HELZ2: variants seen among roughly 807,000 people sequenced by gnomAD.
HELZ2 encodes the protein 3'-5' exoribonuclease HELZ2.
HELZ2 carries 143 observed loss-of-function variants against 208.8 expected under a neutral mutation model. The observed-to-expected ratio is 0.68, with a 90% confidence interval of 0.60 to 0.79. The LOEUF is 0.79. Ranked by LOEUF, HELZ2 falls within the 30% of genes least tolerant of loss-of-function variation. HELZ2 has a pLI of 0.00. For synonymous variants in HELZ2, 1,705 were observed against 1,693.7 expected, an observed-to-expected ratio of 1.01 and a Z score of -0.16; for missense variants, 3,690 against 3,794.5, an observed-to-expected ratio of 0.97 and a Z score of 0.72.
chr20:63,567,508 G>A lies in HELZ2; in HGVS notation c.1850C>T (p.Thr617Met), dbSNP rs762169747. 18 of 1,559,426 alleles carry A rather than the reference G, an allele frequency of 1.2e-5. No individual in the cohort carries two copies. Among genetic ancestry groups the A allele is most frequent in the Non-Finnish European group, 1.5e-5 (17 of 1,152,362 alleles). The change falls in exon 6 of 19, where the codon ACG (threonine) becomes ATG (methionine). Residue 617 changes from threonine (T) to methionine (M), a missense_variant. Around this residue, in one of 3 missense-constraint regions of HELZ2, gnomAD observed 1,119 missense variants for 1,193.4 expected, o/e 0.94. Transcript: ENST00000467148. ...GTCGGTCAGGCAACAGTACTGCAGC[G>A]TGACTGGGTCCGTCTGGCTCAGCGG...
At chr20:63,570,972 G>A (rs2083010899) in intron 1 of HELZ2, 104 bp from the exon 3 acceptor site, 3 of 912,264 alleles carry the variant, frequency 3.3e-6, no homozygotes, top group Middle Eastern at 3.5e-4. Context: ...TAGGGAGCAG[G>A]GGCTTTATTC....
chr20:63,562,121 C>T (rs949392781), exon 10 of HELZ2: 39 of 1,612,436 alleles, frequency 2.4e-5, no homozygotes, highest in Non-Finnish European at 3.0e-5. Flanking sequence ...CCTCCCTGAC[C>T]GCCACGTTCT....
In HELZ2 at chr20:63,562,273, G is replaced by C. The variant is rs1263206628; in HGVS notation, c.6397+15C>G. ...GGGGGCCAGAGGGGAAGCTGGAGGG[G>C]TGGGGCAGACCTACCTCTGCAGAGG... is the stretch of plus-strand genomic sequence containing the variant. On this transcript the variant is annotated intron_variant, in intron 9 of 18. Transcript: ENST00000467148. The C allele has an allele frequency of 1.9e-6, 3 of 1,596,186 alleles. No individual in the cohort carries two copies. Among genetic ancestry groups the C allele is most frequent in the Non-Finnish European group, 2.6e-6 (3 of 1,170,966 alleles).
exon 5 of HELZ2, chr20:63,568,826 G>A (rs2082990401): frequency 1.2e-6 from 2 of 1,612,256 alleles, no homozygotes; most frequent in Non-Finnish European, 1.7e-6. Context: ...AGGTACAGGG[G>A]CCACCAGGGC....
chr20:63,567,393 C>A, exon 6 of HELZ2: 1 of 1,587,304 alleles, frequency 6.3e-7, no homozygotes, highest in Non-Finnish European at 8.6e-7. Context: ...CGACCGGCAC[C>A]CTGAGCTCAC....
At position 63,561,000 on chromosome 20, in the gene HELZ2, C is replaced by T. The variant is rs542666411; in HGVS notation, c.7147-71G>A. ...GGACCCCAGCCCCACACGACACCCG[C>T]GTCTGCACACACAGGGCACCCCAGG... On this transcript the variant is annotated intron_variant, in intron 14 of 18. Transcript: ENST00000467148. 7.7e-5 allele frequency: 123 copies of T among 1,596,100 alleles called. 3 individuals carry two copies. In the South Asian group the frequency reaches 1.3e-3, roughly 17 times the overall value.
rs140899217 is a variant in HELZ2 at position 63,562,786 on chromosome 20, G to A, written c.6036C>T (p.Leu2012=). Residue 2012 remains leucine (L), a synonymous_variant, in exon 8 of 19, where the codon CTC becomes CTT. Transcript: ENST00000467148. ...TGGCCGTGGGAGCCGGCAGCCCCTC[G>A]AGCCGGATGCAGAGGTAGCAGCAGC... 51 of 1,608,244 alleles carry A rather than the reference G, an allele frequency of 3.2e-5. No homozygotes were observed. The Admixed American group carries it at 3.2e-4, about 10-fold the overall frequency.
Position 63,570,864 on chromosome 20 carries a change from C to G in HELZ2, c.283G>C (p.Asp95His), listed in dbSNP as rs569140220. Residue 95 changes from aspartate (D) to histidine (H), a missense_variant, in exon 2 of 19, where the codon GAC becomes CAC. Coordinates refer to ENST00000467148, the Ensembl canonical transcript of HELZ2. ...CAGGCGTCCCCATACTCACAGAGGT[C>G]AGGCCTGGGGGACAGGGAGGTCAGC... 14 of 1,589,334 alleles carry G rather than the reference C, an allele frequency of 8.8e-6. 1 individual carries two copies. In the South Asian group the frequency reaches 1.3e-4, roughly 15 times the overall value.
At chr20:63,559,598 A>C (rs1367347848) in intron 18 of HELZ2, among the ~76,000 whole-genome samples, 2 of 72,160 alleles carry the variant, frequency 2.8e-5, no homozygotes, top group African/African-American at 9.8e-5. Context: ...GTCAGGTGGG[A>C]GGAGTCAGGG....
chr20:63,559,039 T>G (rs2082846163), downstream of HELZ2: 1 of 545,042 alleles, frequency 1.8e-6, no homozygotes, highest in Admixed American at 3.7e-5. Flanking sequence ...GAGGTGTTCC[T>G]GTCCCCAGAT....
exon 8 of HELZ2, chr20:63,564,055 G>C (rs1478877019): frequency 4.4e-6 from 7 of 1,604,208 alleles, no homozygotes; most frequent in Non-Finnish European, 5.9e-6. Context: ...CGGGGGGACT[G>C]CCCCCGCCGC....
At chr20:63,558,270 G>C (rs866777662), downstream of HELZ2, 1 of 151,812 alleles carries the variant, frequency 6.6e-6, no homozygotes. Context: ...AGGCTGCCCC[G>C]AACACTCAGT....
At chr20:63,566,311 G>A (rs2082956470) in intron 7 of HELZ2, 67 bp downstream of exon 8, 12 of 1,517,112 alleles carry the variant, frequency 7.9e-6, no homozygotes, top group African/African-American at 2.8e-5. Flanking sequence ...GCCAGGCTGA[G>A]GAGTGGGCCG....
chr20:63,574,120 C>T (rs2146026278), upstream of HELZ2: 1 of 149,240 alleles, frequency 6.7e-6, no homozygotes, highest in East Asian at 2.0e-4. Context: ...CCGCGCTCAC[C>T]CTCCTGGAGC....
downstream of HELZ2, chr20:63,559,016 T>C (rs2082845890): frequency 2.1e-6 from 1 of 483,154 alleles, no homozygotes; most frequent in Non-Finnish European, 3.7e-6. Context: ...GAAGCCCCTC[T>C]TGGCCACCCT....
intron 1 of HELZ2, chr20:63,571,086 C>T: frequency 2.0e-6 from 1 of 508,796 alleles, no homozygotes; most frequent in East Asian, 3.1e-5. Flanking sequence ...CTTTAGCCCT[C>T]AGCAGGTGGC....
chr20:63,572,520 G>A (rs1169208461), upstream of HELZ2: 23 of 959,774 alleles, frequency 2.4e-5, no homozygotes, highest in Non-Finnish European at 3.1e-5. Context: ...TGTTGCTTGC[G>A]GCGGCCCTCG....
At chr20:63,569,544 G>C (rs2082998085) in exon 4 of HELZ2, 1 of 1,606,060 alleles carries the variant, frequency 6.2e-7, no homozygotes, top group Admixed American at 1.7e-5. Context: ...GTCGGCAGTG[G>C]AGCTGGGCAC....
At chr20:63,559,508 T>C (rs1600963673) in intron 18 of HELZ2, 138 bp from the exon 20 acceptor site, 1 of 335,842 alleles carries the variant, frequency 3.0e-6, no homozygotes, top group East Asian at 5.0e-5. Context: ...GGAGTCAGGG[T>C]CAGATGGGAG....
Sources: gnomAD v4.1 joint callset for allele counts (sites outside exome capture counted in the v4.1 genomes callset) on GRCh38, gnomAD v4.1.1 for gene constraint, gnomAD v4.1.1 regional missense constraint, MANE v1.5 for transcripts, NCBI Gene and HGNC (gene_info 2026-07-23, HGNC 2026-07-21) for gene names.